Variants in ZBTB38 observed in about 807,000 individuals in gnomAD.
The protein encoded by ZBTB38 is zinc finger and BTB domain-containing protein 38.
A neutral mutation model predicts 76.8 loss-of-function variants in ZBTB38; 20 were observed. That is an observed-to-expected ratio of 0.26 (90% CI 0.18 to 0.38). The LOEUF (loss-of-function observed/expected upper bound fraction) is 0.38, where lower values mean the gene tolerates loss of function less well. ZBTB38 is among the 10% of genes least tolerant of loss of function. The pLI is 1.00. For synonymous variants in ZBTB38, 504 were observed against 544.2 expected (o/e 0.93, Z 1.03); for missense variants, 1,082 against 1,482.3 (o/e 0.73, Z 4.43).
Position 141,332,739 on chromosome 3 carries a change from A to G in ZBTB38, c.-739+8283A>G, listed in dbSNP as rs200213358. Among the ~76,000 whole-genome samples the G allele has an allele frequency of 2.6e-5, 4 of 152,318 alleles. No individual in the cohort carries two copies. The East Asian group carries it at 7.7e-4, about 29-fold the overall frequency. The stretch of plus-strand genomic sequence containing the variant: ...AGGGATGCCGAAAGAAGAAACCCAG[A>G]GGGCAGCTCTGCTTATATATCTTCT... On this transcript the variant is annotated intron_variant, in intron 1 of 7. Transcript: ENST00000509842.
chr3:141,358,563 T>C (rs1324344989), intron 1 of ZBTB38, among the ~76,000 whole-genome samples: 1 of 152,240 alleles, frequency 6.6e-6, no homozygotes, highest in Non-Finnish European at 1.5e-5. Context: ...TCACACATCA[T>C]TCAATTCACC....
chr3:141,346,772 T>C lies in ZBTB38; in HGVS notation c.-738-21849T>C, dbSNP rs1042712294. On this transcript the variant is annotated intron_variant, in intron 1 of 7. Coordinates refer to the ZBTB38 transcript ENST00000509842. The stretch of plus-strand genomic sequence containing the variant: ...TGCCTCTCAAACTCTCCGAGGTTTT[T>C]TGTTTTGTTTTGTGTGTGTGTGTGT... 5.2e-5 allele frequency among the ~76,000 whole-genome samples: 5 copies of C among 96,050 alleles called. No individual in the cohort carries two copies. The East Asian group carries it at 1.3e-3, about 26-fold the overall frequency. The allele number at this position is 96,050 out of a possible 152,430, so 63.0% of individuals were successfully genotyped here.
chr3:141,348,374 C>T (rs1943425321), intron 1 of ZBTB38, among the ~76,000 whole-genome samples: 1 of 152,160 alleles, frequency 6.6e-6, no homozygotes, highest in Non-Finnish European at 1.5e-5. Context: ...GAGGAATTAT[C>T]CAGTAGTAGT....
chr3:141,340,941 A>AAG (rs1943162756), intron 1 of ZBTB38, among the ~76,000 whole-genome samples: 2 of 90,742 alleles, frequency 2.2e-5, no homozygotes, highest in Non-Finnish European at 4.4e-5. Context: ...AGAAAAGAAA[A>AAG]GAAAGAAGGA....
In ZBTB38 at chr3:141,415,800, GTTGTGACTTTAATCT is replaced by G. The variant is rs370585375; in HGVS notation, c.-1+11771_-1+11785del. Among the ~76,000 whole-genome samples, 655 of 152,240 alleles carry G rather than the reference GTTGTGACTTTAATCT, an allele frequency of 4.3e-3. 10 individuals are homozygous for G. Among genetic ancestry groups the G allele is most frequent in the African/African-American group, 0.015 (631 of 41,508 alleles). ...TTCTGAAGACTCTTGTTGTCCCCTG[GTTGTGACTTTAATCT>G]TATAGTGCCTCATTCCTTTCCACCA... On this transcript the variant is annotated intron_variant, in intron 5 of 5. Coordinates refer to ENST00000321464, the MANE Select transcript of ZBTB38 (RefSeq NM_001376113.1).
Position 141,332,632 on chromosome 3 carries a change from C to T in ZBTB38, c.-739+8176C>T, listed in dbSNP as rs143937602. On this transcript the variant is annotated intron_variant, in intron 1 of 7. Transcript: ENST00000509842. ...ATATTTGCTGTAGATAAGGATGAAA[C>T]GATCTGCCGCCCTGAGCAATGCCCT... 2.0e-3 allele frequency among the ~76,000 whole-genome samples: 309 copies of T among 152,270 alleles called. 3 individuals are homozygous for T. The highest frequency in any genetic ancestry group is 3.4e-3 in the Middle Eastern group (1 of 294).
intron 1 of ZBTB38, among the ~76,000 whole-genome samples, chr3:141,351,721 T>TTA (rs1559917084): frequency 8.1e-6 from 1 of 123,160 alleles, no homozygotes; most frequent in Non-Finnish European, 1.7e-5. Flanking sequence ...CTCTGTCTCT[T>TTA]AAAAAAAAAA....
chr3:141,406,767 A>T (rs1954627796), intron 5 of ZBTB38, among the ~76,000 whole-genome samples: 1 of 152,174 alleles, frequency 6.6e-6, no homozygotes, highest in Non-Finnish European at 1.5e-5. Context: ...GGAGGAATGC[A>T]ACTCCAGAAG....
At chr3:141,431,323 C>CAAAAAAAAAAAAAAAAAAAA (rs71976494) in intron 5 of ZBTB38, among the ~76,000 whole-genome samples, 4 of 101,410 alleles carry the variant, frequency 3.9e-5, no homozygotes, top group East Asian at 4.6e-4. Context: ...GACTTCGTCT[C>CAAAAAAAAAAAAAAAAAAAA]AAAAAAAAAA....
chr3:141,325,742 A>G (rs921543031), intron 1 of ZBTB38, among the ~76,000 whole-genome samples: 1 of 152,254 alleles, frequency 6.6e-6, no homozygotes, highest in East Asian at 1.9e-4. Context: ...TGAGACTACC[A>G]TGATTAACAC....
chr3:141,425,097 G>A (rs2076142613), intron 5 of ZBTB38, among the ~76,000 whole-genome samples: 1 of 152,234 alleles, frequency 6.6e-6, no homozygotes, highest in Non-Finnish European at 1.5e-5. Context: ...GCATGACAGA[G>A]CCAGGTCCCC....
At chr3:141,420,747 A>AT (rs1347026984) in intron 5 of ZBTB38, among the ~76,000 whole-genome samples, 1 of 152,184 alleles carries the variant, frequency 6.6e-6, no homozygotes, top group African/African-American at 2.4e-5. Flanking sequence ...ATGTCTTTTT[A>AT]TCCCAGTCAT....
chr3:141,414,954 C>T (rs1366810954), intron 5 of ZBTB38, among the ~76,000 whole-genome samples: 1 of 152,046 alleles, frequency 6.6e-6, no homozygotes, highest in East Asian at 1.9e-4. Flanking sequence ...TCTTTTAACC[C>T]TGCCCTTTCT....
At chr3:141,371,598 C>A (rs1944615196) in intron 2 of ZBTB38, among the ~76,000 whole-genome samples, 1 of 152,116 alleles carries the variant, frequency 6.6e-6, no homozygotes, top group African/African-American at 2.4e-5. Context: ...CCACCTTGGC[C>A]TCCCAAAGTG....
Position 141,443,589 on chromosome 3 carries a change from A to C in ZBTB38, c.1201A>C (p.Ile401Leu). The change falls in exon 6 of 6, where the codon ATT becomes CTT. Residue 401 changes from isoleucine to leucine, a missense_variant. By Grantham distance (5) the Ile-to-Leu change is conservative. Coordinates refer to ENST00000321464, the MANE Select transcript of ZBTB38 (RefSeq NM_001376113.1). This position sits in a 1 kb window ranked among gnomAD's most constrained non-coding sequence, Gnocchi z 5.6. ...QICMRSSHMPIPGGNQRFLEN... is the reference protein window; with the variant it reads ...QICMRSSHMPLPGGNQRFLEN... ...CTGCATGAGGTCAAGCCACATGCCCATTCCTGGAGGAAACCAACGCTTTTT... is the reference window on the plus strand; with the variant it reads ...CTGCATGAGGTCAAGCCACATGCCCCTTCCTGGAGGAAACCAACGCTTTTT... 6.2e-7 allele frequency: 1 copy of C among 1,614,232 alleles called. No homozygotes were observed. Among genetic ancestry groups the C allele is most frequent in the Admixed American group, 1.7e-5 (1 of 60,028 alleles).
In ZBTB38 at chr3:141,432,148, G is replaced by T. The variant is rs6789653; in HGVS notation, c.1-10241G>T. The stretch of plus-strand genomic sequence containing the variant: ...AATATCCTTTGTCGGAAAACTTTCC[G>T]CAGGGAATAACAGACCTGCGCAGTA... On this transcript the variant is annotated intron_variant, in intron 5 of 5. Coordinates refer to ENST00000321464, the MANE Select transcript of ZBTB38 (RefSeq NM_001376113.1). 333 of 985,344 alleles carry T rather than the reference G, an allele frequency of 3.4e-4. 3 individuals carry two copies. The African/African-American group carries it at 5.2e-3, about 15-fold the overall frequency. 61.0% of individuals were successfully genotyped at this position (985,344 alleles called of 1,614,324 possible). A position where few individuals can be genotyped will look rare whatever the true frequency, so the allele number is the denominator to read the frequency against.
chr3:141,433,123 G>A (rs1553771655), intron 5 of ZBTB38, among the ~76,000 whole-genome samples: 1 of 152,210 alleles, frequency 6.6e-6, no homozygotes, highest in Non-Finnish European at 1.5e-5. Context: ...GACTGTGGGT[G>A]TGTCTATGTT....
rs2081363374 is a variant in ZBTB38, at chr3:141,449,781, C to A, written c.*3805C>A. ...TCTGTAACAATTGGGAAAGTAAAAG[C>A]ATAAAACAAAAGTGTTAGTATATTT... On this transcript the variant is annotated 3_prime_UTR_variant, in exon 6 of 6. Coordinates refer to ENST00000321464, the MANE Select transcript of ZBTB38 (RefSeq NM_001376113.1). 6.6e-6 allele frequency: 1 copy of A among 152,192 alleles called. No individual in the cohort carries two copies. The highest frequency in any genetic ancestry group is 2.4e-5 in the African/African-American group (1 of 41,446). 9.4% of individuals were successfully genotyped at this position (152,192 alleles called of 1,614,324 possible).
At chr3:141,340,957 A>AAGAAAAGAAAAGAAAGAAG (rs1189110305) in intron 1 of ZBTB38, among the ~76,000 whole-genome samples, 2 of 70,754 alleles carry the variant, frequency 2.8e-5, no homozygotes, top group Non-Finnish European at 5.3e-5. Flanking sequence ...AAGGAAAGAA[A>AAGAAAAGAAAAGAAAGAAG]GAAAGAAAGA....
Sources: allele counts gnomAD v4.1 joint callset (sites outside exome capture counted in the v4.1 genomes callset), GRCh38; gene constraint gnomAD v4.1.1; non-coding constraint Gnocchi (gnomAD v3.1); transcripts MANE v1.5; gene names NCBI Gene and HGNC (gene_info 2026-07-23, HGNC 2026-07-21).